Variants in PRTG observed in about 807,000 individuals in gnomAD.
The protein encoded by PRTG is immunoglobulin superfamily, DCC subclass, member 5.
Under a neutral mutation model 122.5 loss-of-function variants are expected in PRTG, and 67 were observed. The ratio of observed to expected loss-of-function variants is 0.55; its 90% CI spans 0.45 to 0.67. PRTG has a LOEUF of 0.67. PRTG is among the 30% of genes least tolerant of loss of function. The pLI, the probability that PRTG is intolerant of heterozygous loss-of-function variation, is 0.00. For missense variants in PRTG, 1,435 were observed against 1,415.4 expected (o/e 1.01, Z -0.22); for synonymous variants, 554 against 501.1 (o/e 1.11, Z -1.41).
At chr15:55,638,824 T>A in intron 13 of PRTG, 148 bp from the exon 14 acceptor site, 3 of 672,412 alleles carry the variant, frequency 4.5e-6, no homozygotes, top group Non-Finnish European at 7.2e-6. Flanking sequence ...TAAAGAACAA[T>A]TTAATTGGAC....
At chr15:55,737,886 C>T (rs1162687329) in intron 2 of PRTG, among the ~76,000 whole-genome samples, 1 of 142,884 alleles carries the variant, frequency 7.0e-6, no homozygotes, top group Non-Finnish European at 1.5e-5. Flanking sequence ...AAAAAAAACA[C>T]ACTTGTACCC....
chr15:55,639,780 T>C lies in PRTG; in HGVS notation c.2186A>G (p.Tyr729Cys), dbSNP rs772078779. Residue 729 changes from tyrosine (Y) to cysteine (C), a missense_variant, in exon 13 of 20, where the codon TAT becomes TGT. Tyr to Cys is a radical substitution (Grantham distance 194). Coordinates refer to ENST00000389286, the MANE Select transcript of PRTG (RefSeq NM_173814.6). ...GGAAGATGAGGTGTTAGCCTTCGCA[T>C]AGAGATGGTGGGGTGGTGGTGGAGG... ...VPPPPPPHHL[Y>C]AKANTSSSIF... 4.7e-5 allele frequency: 76 copies of C among 1,613,976 alleles called. No homozygotes were observed. Among genetic ancestry groups the C allele is most frequent in the African/African-American group, 1.5e-4 (11 of 74,886 alleles).
chr15:55,639,500 G>T, intron 13 of PRTG, 142 bp downstream of exon 13: 1 of 627,764 alleles, frequency 1.6e-6, no homozygotes. Context: ...AAAACTCCTA[G>T]CCACTTCATA....
At chr15:55,634,136 C>T (rs528203712) in intron 15 of PRTG, among the ~76,000 whole-genome samples, 6 of 140,060 alleles carry the variant, frequency 4.3e-5, no homozygotes, top group East Asian at 2.2e-4. Flanking sequence ...GGCATTATCT[C>T]GGTTCACCAC....
At chr15:55,670,895 C>T (rs185114528) in intron 11 of PRTG, among the ~76,000 whole-genome samples, 1,307 of 127,692 alleles carry the variant, frequency 0.01, 15 homozygotes, top group Non-Finnish European at 0.011. Context: ...AGTAAAACTC[C>T]GTCACAAACA....
chr15:55,650,886 G>A (rs953334068), intron 11 of PRTG, among the ~76,000 whole-genome samples: 2 of 152,120 alleles, frequency 1.3e-5, no homozygotes, highest in African/African-American at 2.4e-5. Flanking sequence ...AGGATTGCTT[G>A]AGCCCAGGAG....
intron 2 of PRTG, among the ~76,000 whole-genome samples, chr15:55,716,089 T>A (rs1454121009): frequency 6.6e-6 from 1 of 152,174 alleles, no homozygotes; most frequent in Non-Finnish European, 1.5e-5. Context: ...TTAACAATCA[T>A]CTGCTAGCTG....
intron 15 of PRTG, among the ~76,000 whole-genome samples, chr15:55,631,266 C>G (rs576063855): frequency 1.3e-5 from 2 of 152,116 alleles, no homozygotes; most frequent in African/African-American, 2.4e-5. Flanking sequence ...TGACATGTTA[C>G]ACTTAGCTGA....
chr15:55,715,896 G>A (rs2141860892), intron 2 of PRTG, among the ~76,000 whole-genome samples: 1 of 152,262 alleles, frequency 6.6e-6, no homozygotes, highest in Non-Finnish European at 1.5e-5. Flanking sequence ...ATTCCCTTCT[G>A]AATTGGCACC....
intron 11 of PRTG, among the ~76,000 whole-genome samples, chr15:55,648,815 T>C (rs533829714): frequency 1.3e-5 from 2 of 152,214 alleles, no homozygotes; most frequent in East Asian, 3.9e-4. Flanking sequence ...AACCTCTGTA[T>C]TGGCCGGGCA....
chr15:55,644,872 A>ATTT (rs1451992829), intron 11 of PRTG, among the ~76,000 whole-genome samples: 5 of 152,212 alleles, frequency 3.3e-5, no homozygotes, highest in Non-Finnish European at 7.3e-5. Flanking sequence ...AAGGAGTGAG[A>ATTT]AACCCCACTT....
At chr15:55,728,062 C>T (rs1437081216) in intron 2 of PRTG, among the ~76,000 whole-genome samples, 1 of 151,990 alleles carries the variant, frequency 6.6e-6, no homozygotes, top group Non-Finnish European at 1.5e-5. Context: ...GACGGGGTCT[C>T]ACCATGTTGC....
intron 14 of PRTG, among the ~76,000 whole-genome samples, chr15:55,637,909 T>C (rs1401039905): frequency 6.6e-6 from 1 of 152,190 alleles, no homozygotes; most frequent in Non-Finnish European, 1.5e-5. Flanking sequence ...AAGAGCTGGT[T>C]TTTAACACAT....
chr15:55,675,769 C>A, intron 8 of PRTG, 86 bp from the exon 9 acceptor site: 2 of 726,766 alleles, frequency 2.8e-6, no homozygotes, highest in East Asian at 2.5e-5. Flanking sequence ...AAACACTGGT[C>A]CTTGGGTCTA....
At chr15:55,723,243 G>A (rs2030896813) in intron 2 of PRTG, among the ~76,000 whole-genome samples, 1 of 152,036 alleles carries the variant, frequency 6.6e-6, no homozygotes, top group Non-Finnish European at 1.5e-5. Context: ...TGCCACAAGG[G>A]AAAATGTAAA....
intron 2 of PRTG, among the ~76,000 whole-genome samples, chr15:55,690,835 T>C (rs1298024803): frequency 2.0e-5 from 3 of 152,196 alleles, no homozygotes; most frequent in Non-Finnish European, 2.9e-5. Flanking sequence ...GCTTATTTAG[T>C]TCTCAAAACT....
chr15:55,653,429 C>T (rs887015936), intron 11 of PRTG, among the ~76,000 whole-genome samples: 3 of 151,878 alleles, frequency 2.0e-5, no homozygotes, highest in Non-Finnish European at 4.4e-5. Flanking sequence ...AATCAGTTTC[C>T]TACCAAAATA....
chr15:55,742,590 G>GCGGAGGGGCGTGCGCC (rs2031647069), intron 1 of PRTG: 1 of 481,128 alleles, frequency 2.1e-6, no homozygotes, highest in Non-Finnish European at 3.6e-6. Flanking sequence ...GGCGCGCGGC[G>GCGGAGGGGCGTGCGCC]CGGAGGGGCG....
rs1267181720 is a variant in PRTG, at chr15:55,619,481, C to T, written c.*531G>A. On this transcript the variant is annotated 3_prime_UTR_variant, in exon 20 of 20. Coordinates refer to ENST00000389286, the MANE Select transcript of PRTG (RefSeq NM_173814.6). ...CCTTTGATCACACACATTACACGTA[C>T]AGCAATGAAAACACAATACTACTAG... The T allele has an allele frequency of 6.4e-6, 1 of 156,946 alleles. No homozygotes were observed. The highest frequency in any genetic ancestry group is 2.4e-5 in the African/African-American group (1 of 41,432). 9.7% of individuals were successfully genotyped at this position (156,946 alleles called of 1,614,324 possible).
Sources: allele counts gnomAD v4.1 joint callset (sites outside exome capture counted in the v4.1 genomes callset), GRCh38; gene constraint gnomAD v4.1.1; transcripts MANE v1.5; gene names NCBI Gene and HGNC (gene_info 2026-07-23, HGNC 2026-07-21).